Variants in SLC4A3 observed in about 807,000 individuals in gnomAD.
The protein encoded by SLC4A3 is solute carrier family 4 member 3, also known as anion exchange protein 3.
Under a neutral mutation model 114.2 loss-of-function variants are expected in SLC4A3, and 47 were observed. That is an observed-to-expected ratio of 0.41 (90% CI 0.33 to 0.52). SLC4A3 has a LOEUF of 0.52. SLC4A3 is among the 20% of genes least tolerant of loss of function. The probability of loss-of-function intolerance (pLI) is 0.21; values close to 1 mark genes in which losing one functional copy is unlikely to be tolerated. For missense variants in SLC4A3, 1,312 were observed against 1,668.3 expected, an observed-to-expected ratio of 0.79 and a Z score of 3.72; for synonymous variants, 693 against 710.3, an observed-to-expected ratio of 0.98 and a Z score of 0.39.
rs1699287249 is a variant in SLC4A3, at chr2:219,640,473, G to A, written c.3321G>A (p.Leu1107=). 3 of 1,614,120 alleles carry A rather than the reference G, an allele frequency of 1.9e-6. No homozygotes were observed. The highest frequency in any genetic ancestry group is 1.1e-5 in the South Asian group (1 of 91,072). ...GGGCTGTGCTGCGTCGGATCCCATT[G>A]GCTGTGCTCTTTGGGATCTTCCTGT... ...VMGAVLRRIP[L]AVLFGIFLYM... The change falls in exon 21 of 23, where the codon TTG becomes TTA. Residue 1107 remains leucine, a synonymous_variant. Transcript: ENST00000358055.
chr2:219,629,226 C>A lies in SLC4A3; in HGVS notation c.300C>A (p.Pro100=), dbSNP rs755751100. 2.5e-6 allele frequency: 4 copies of A among 1,613,526 alleles called. No homozygotes were observed. The highest frequency in any genetic ancestry group is 2.2e-5 in the East Asian group (1 of 44,858). Reference sequence around the variant, plus strand: ...CCCACAAGCTGCGGCGGCTGCCCCCCACCTCTGCCCGGCACACCAGGAGAA... The same window carrying A: ...CCCACAAGCTGCGGCGGCTGCCCCCAACCTCTGCCCGGCACACCAGGAGAA... ...PPPHKLRRLP[P]TSARHTRRKR... The change falls in exon 4 of 23, where the codon CCC becomes CCA. Residue 100 remains proline (P), a synonymous_variant. Transcript: ENST00000358055.
In SLC4A3 at chr2:219,630,221, C is replaced by T. The variant is rs1698872179; in HGVS notation, c.680C>T (p.Ala227Val). ...GEKSRPWSPSASYDLRERLCP... is the reference protein window; with the variant it reads ...GEKSRPWSPSVSYDLRERLCP... ...AAAAGCCGGCCCTGGAGCCCATCGG[C>T]CAGTTATGACCTGCGGGAGCGACTG... Residue 227 changes from alanine to valine, a missense_variant, in exon 6 of 23, where the codon GCC (alanine) becomes GTC (valine). This residue lies in a region of SLC4A3 where 771 missense variants were observed against 977.7 expected (regional missense o/e 0.79). Coordinates refer to ENST00000358055, the MANE Select transcript of SLC4A3 (RefSeq NM_005070.4). The surrounding 1 kb of genome is among the most constrained non-coding windows in gnomAD (Gnocchi z 6.9). 1 of 1,611,868 alleles carries T rather than the reference C, an allele frequency of 6.2e-7. No homozygotes were observed. Among genetic ancestry groups the T allele is most frequent in the South Asian group, 1.1e-5 (1 of 91,060 alleles).
At position 219,638,552 on chromosome 2, in the gene SLC4A3, C is replaced by A; in HGVS notation, c.2857-151C>A. Reference sequence around the variant, plus strand: ...TATTGGATCCTTGAAAGGACAGTGACTTCTGGAGGATGCAAAACTAATTTT... The same window carrying A: ...TATTGGATCCTTGAAAGGACAGTGAATTCTGGAGGATGCAAAACTAATTTT... On this transcript the variant is annotated intron_variant, in intron 18 of 22. Transcript: ENST00000358055. The surrounding 1 kb of genome is among the most constrained non-coding windows in gnomAD (Gnocchi z 7.5). 1.4e-6 allele frequency: 1 copy of A among 727,168 alleles called. No homozygotes were observed. The highest frequency in any genetic ancestry group is 2.2e-6 in the Non-Finnish European group (1 of 447,772). The allele number at this position is 727,168 out of a possible 1,614,324, so 45.0% of individuals were successfully genotyped here.
At chr2:219,633,749 G>T in intron 10 of SLC4A3, 131 bp from the exon 11 acceptor site, 1 of 1,383,970 alleles carries the variant, frequency 7.2e-7, no homozygotes, top group South Asian at 1.4e-5. Context: ...CCAGTGTGGG[G>T]CCACAGTGCA....
At position 219,627,898 on chromosome 2, in the gene SLC4A3, A is replaced by C; in HGVS notation, c.-93-2A>C. On this transcript the variant is annotated splice_acceptor_variant, in intron 1 of 22. Transcript: ENST00000358055. LOFTEE classifies it low-confidence loss of function (5UTR_SPLICE). The stretch of plus-strand genomic sequence containing the variant: ...GAACCTGACCCCGCCCTCCTCCCCC[A>C]GGGCTCCCCGCTAGGCCCCCTCAGT... 12 of 942,816 alleles carry C rather than the reference A, an allele frequency of 1.3e-5. No individual in the cohort carries two copies. Among genetic ancestry groups the C allele is most frequent in the Middle Eastern group, 3.3e-4 (1 of 3,044 alleles). 58.4% of individuals were successfully genotyped at this position (942,816 alleles called of 1,614,324 possible). A position where few individuals can be genotyped will look rare whatever the true frequency, so the allele number is the denominator to read the frequency against.
Position 219,630,581 on chromosome 2 carries a change from TC to T in SLC4A3, c.811+230del, listed in dbSNP as rs1698883709. Among the ~76,000 whole-genome samples, 1 of 152,108 alleles carries T rather than the reference TC, an allele frequency of 6.6e-6. No individual in the cohort carries two copies. Among genetic ancestry groups the T allele is most frequent in the Non-Finnish European group, 1.5e-5 (1 of 68,010 alleles). ...TGACACCTCACGCCTCAGTCCTGAT[TC>T]TGTCCTCTGAGTCACCCCTAGAAAA... On this transcript the variant is annotated intron_variant, in intron 6 of 22. Coordinates refer to ENST00000358055, the MANE Select transcript of SLC4A3 (RefSeq NM_005070.4). This position sits in a 1 kb window ranked among gnomAD's most constrained non-coding sequence, Gnocchi z 6.9.
Position 219,635,733 on chromosome 2 carries a change from C to G in SLC4A3, c.2033C>G (p.Thr678Arg), listed in dbSNP as rs759168094. 21 of 1,595,814 alleles carry G rather than the reference C, an allele frequency of 1.3e-5. No homozygotes were observed. The highest frequency in any genetic ancestry group is 1.8e-5 in the Non-Finnish European group (21 of 1,173,886). Residue 678 changes from threonine to arginine, a missense_variant, in exon 14 of 23, where the codon ACG (threonine) becomes AGG (arginine). Coordinates refer to ENST00000358055, the MANE Select transcript of SLC4A3 (RefSeq NM_005070.4). Reference sequence around the variant, plus strand: ...CCTGAAGATGACCCCTTGCTGCGGACGGGCTCGGTATTTGGGGGGCTTGTG... The same window carrying G: ...CCTGAAGATGACCCCTTGCTGCGGAGGGGCTCGGTATTTGGGGGGCTTGTG... ...ATPEDDPLLRTGSVFGGLVRD... is the reference protein window; with the variant it reads ...ATPEDDPLLRRGSVFGGLVRD...
rs765490505 is a variant in SLC4A3 at position 219,629,574 on chromosome 2, C to T, written c.496-6C>T. 3 of 1,607,804 alleles carry T rather than the reference C, an allele frequency of 1.9e-6. No individual in the cohort carries two copies. The highest frequency in any genetic ancestry group is 2.6e-6 in the Non-Finnish European group (3 of 1,174,830). Reference sequence around the variant, plus strand: ...CAAGGCCCCAGGGCACATTCTATGTCTGCAGTTCTCCATTGGAAGTGACGA... The same window carrying T: ...CAAGGCCCCAGGGCACATTCTATGTTTGCAGTTCTCCATTGGAAGTGACGA... On this transcript the variant is annotated splice_region_variant and splice_polypyrimidine_tract_variant and intron_variant, in intron 4 of 22. Transcript: ENST00000358055.
Position 219,636,674 on chromosome 2 carries a change from A to G in SLC4A3, c.2341-6A>G. The G allele has an allele frequency of 6.2e-7, 1 of 1,611,916 alleles. No individual in the cohort carries two copies. The highest frequency in any genetic ancestry group is 2.2e-5 in the East Asian group (1 of 44,846). On this transcript the variant is annotated splice_region_variant and splice_polypyrimidine_tract_variant and intron_variant, in intron 15 of 22. Coordinates refer to ENST00000358055, the MANE Select transcript of SLC4A3 (RefSeq NM_005070.4). The surrounding 1 kb of genome is among the most constrained non-coding windows in gnomAD (Gnocchi z 5.5). ...GTGGGTAACGACCGCTCCTACCCCC[A>G]CCTAGTTCTGCCGAGCCCAGGACCT...
rs371388838 is a variant in SLC4A3, at chr2:219,629,228, C to T, written c.302C>T (p.Thr101Ile). 54 of 1,613,418 alleles carry T rather than the reference C, an allele frequency of 3.3e-5. No individual in the cohort carries two copies. In the African/African-American group the frequency reaches 4.8e-4, roughly 14 times the overall value. ...PPHKLRRLPP[T>I]SARHTRRKRK... ...CACAAGCTGCGGCGGCTGCCCCCCA[C>T]CTCTGCCCGGCACACCAGGAGAAAG... The change falls in exon 4 of 23, where the codon ACC (threonine) becomes ATC (isoleucine). Residue 101 changes from threonine (T) to isoleucine (I), a missense_variant. Coordinates refer to ENST00000358055, the MANE Select transcript of SLC4A3 (RefSeq NM_005070.4).
rs1380926880 is a variant in SLC4A3, at chr2:219,637,189, G to A, written c.2535+315G>A. ...GGGTGTCCTTGGGTCACCTTTTGTA[G>A]AGGAGTGTGTGTGTGTGTGTGGGTG... On this transcript the variant is annotated intron_variant, in intron 16 of 22. Coordinates refer to ENST00000358055, the MANE Select transcript of SLC4A3 (RefSeq NM_005070.4). This position sits in a 1 kb window ranked among gnomAD's most constrained non-coding sequence, Gnocchi z 4.6. 7.0e-6 allele frequency among the ~76,000 whole-genome samples: 1 copy of A among 143,146 alleles called. No homozygotes were observed. Among genetic ancestry groups the A allele is most frequent in the Non-Finnish European group, 1.6e-5 (1 of 63,178 alleles). The allele number at this position is 143,146 out of a possible 152,430, so 93.9% of individuals were successfully genotyped here.
rs746251231 is a variant in SLC4A3 at position 219,628,091 on chromosome 2, A to T, written c.51+48A>T. ...GGGGAGAGATGGGGGAGGAGAGGGGAGGGACCTTAGGGTGGGCAGAGGAGT... is the reference window on the plus strand; with the variant it reads ...GGGGAGAGATGGGGGAGGAGAGGGGTGGGACCTTAGGGTGGGCAGAGGAGT... On this transcript the variant is annotated intron_variant, in intron 2 of 22. Coordinates refer to ENST00000358055, the MANE Select transcript of SLC4A3 (RefSeq NM_005070.4). This position sits in a 1 kb window ranked among gnomAD's most constrained non-coding sequence, Gnocchi z 4.8. 8 of 1,379,194 alleles carry T rather than the reference A, an allele frequency of 5.8e-6. No individual in the cohort carries two copies. The highest frequency in any genetic ancestry group is 2.5e-4 in the Middle Eastern group (1 of 4,042). 85.4% of individuals were successfully genotyped at this position (1,379,194 alleles called of 1,614,324 possible).
At position 219,640,440 on chromosome 2, in the gene SLC4A3, C is replaced by T. The variant is rs751629476; in HGVS notation, c.3288C>T (p.Ile1096=). The stretch of plus-strand genomic sequence containing the variant: ...TGTCACCTCCTCCAGGCCTGTCCAT[C>T]GTCATGGGGGCTGTGCTGCGTCGGA... ...VLIASLVGLS[I]VMGAVLRRIP... The change falls in exon 21 of 23, where the codon ATC becomes ATT. Residue 1096 remains isoleucine (I), a synonymous_variant. Coordinates refer to ENST00000358055, the MANE Select transcript of SLC4A3 (RefSeq NM_005070.4). 1.6e-5 allele frequency: 26 copies of T among 1,613,074 alleles called. No homozygotes were observed. Among genetic ancestry groups the T allele is most frequent in the Non-Finnish European group, 2.2e-5 (26 of 1,179,364 alleles).
chr2:219,637,539 C>T lies in SLC4A3; in HGVS notation c.2536-42C>T. On this transcript the variant is annotated intron_variant, in intron 16 of 22. Coordinates refer to ENST00000358055, the MANE Select transcript of SLC4A3 (RefSeq NM_005070.4). This position sits in a 1 kb window ranked among gnomAD's most constrained non-coding sequence, Gnocchi z 4.6. Reference sequence around the variant, plus strand: ...ACTGATGACGATGAAGTCAGGTCACCTGCCAGGTGAGTGACAAGGCATCCT... The same window carrying T: ...ACTGATGACGATGAAGTCAGGTCACTTGCCAGGTGAGTGACAAGGCATCCT... 8.6e-7 allele frequency: 1 copy of T among 1,159,444 alleles called. No homozygotes were observed. The highest frequency in any genetic ancestry group is 1.3e-6 in the Non-Finnish European group (1 of 799,492). 71.8% of individuals were successfully genotyped at this position (1,159,444 alleles called of 1,614,324 possible). A position where few individuals can be genotyped will look rare whatever the true frequency, so the allele number is the denominator to read the frequency against.
In SLC4A3 at chr2:219,630,300, A is replaced by G. The variant is rs748233638; in HGVS notation, c.759A>G (p.Thr253=). Residue 253 remains threonine (T), a synonymous_variant, in exon 6 of 23, where the codon ACA becomes ACG. Coordinates refer to ENST00000358055, the MANE Select transcript of SLC4A3 (RefSeq NM_005070.4). The surrounding 1 kb of genome is among the most constrained non-coding windows in gnomAD (Gnocchi z 6.9). ...NPGGPEQQVP[T]DEAEAQMLGS... ...GTGGTCCAGAGCAGCAGGTGCCCAC[A>G]GATGAGGCGGAGGCCCAGATGCTGG... 3 of 1,612,950 alleles carry G rather than the reference A, an allele frequency of 1.9e-6. No homozygotes were observed. Among genetic ancestry groups the G allele is most frequent in the Non-Finnish European group, 8.5e-7 (1 of 1,179,682 alleles).
chr2:219,633,011 T>A lies in SLC4A3; in HGVS notation c.1277+2T>A. The A allele has an allele frequency of 6.2e-7, 1 of 1,613,792 alleles. No homozygotes were observed. Among genetic ancestry groups the A allele is most frequent in the Non-Finnish European group, 8.5e-7 (1 of 1,179,912 alleles). On this transcript the variant is annotated splice_donor_variant, in intron 9 of 22. Coordinates refer to ENST00000358055, the MANE Select transcript of SLC4A3 (RefSeq NM_005070.4). LOFTEE classifies it high-confidence loss of function. ...ACGTACCCTGCTACTGAAGCACAGG[T>A]GCCGGGGTGGGTCCCTGGGAGGGGC...
chr2:219,637,777 G>T lies in SLC4A3; in HGVS notation c.2732G>T (p.Arg911Leu). 3 of 1,613,762 alleles carry T rather than the reference G, an allele frequency of 1.9e-6. No individual in the cohort carries two copies. Among genetic ancestry groups the T allele is most frequent in the Non-Finnish European group, 2.5e-6 (3 of 1,179,786 alleles). The change falls in exon 17 of 23, where the codon CGC becomes CTC. Residue 911 changes from arginine (R) to leucine (L), a missense_variant. By Grantham distance (102) the Arg-to-Leu change is moderately radical (BLOSUM62 -2). Around this residue, in one of 4 missense-constraint regions of SLC4A3, gnomAD observed 301 missense variants for 460.7 expected, o/e 0.65. Transcript: ENST00000358055. This position sits in a 1 kb window ranked among gnomAD's most constrained non-coding sequence, Gnocchi z 4.6. ...LGTFFIAFFL[R>L]KFRNSRFLGG... ...ACCTTCTTCATAGCCTTCTTCCTGCGCAAGTTCAGGAACAGCCGCTTCCTG... is the reference window on the plus strand; with the variant it reads ...ACCTTCTTCATAGCCTTCTTCCTGCTCAAGTTCAGGAACAGCCGCTTCCTG...
Position 219,637,546 on chromosome 2 carries a change from G to C in SLC4A3, c.2536-35G>C, listed in dbSNP as rs1292743650. 2 of 1,225,464 alleles carry C rather than the reference G, an allele frequency of 1.6e-6. No homozygotes were observed. The highest frequency in any genetic ancestry group is 2.3e-6 in the Non-Finnish European group (2 of 858,162). The allele number at this position is 1,225,464 out of a possible 1,614,324, so 75.9% of individuals were successfully genotyped here. ...ACGATGAAGTCAGGTCACCTGCCAG[G>C]TGAGTGACAAGGCATCCTTGTTATC... On this transcript the variant is annotated intron_variant, in intron 16 of 22. Transcript: ENST00000358055. The surrounding 1 kb of genome is among the most constrained non-coding windows in gnomAD (Gnocchi z 4.6).
At position 219,635,431 on chromosome 2, in the gene SLC4A3, G is replaced by A. The variant is rs375803349; in HGVS notation, c.1907G>A (p.Arg636Gln). ...AAFQRELLRK[R>Q]REREQTKVEM... ...TTCCAGCGAGAGCTGCTTAGGAAGC[G>A]GCGAGAGCGTGAACAGACCAAAGTC... Residue 636 changes from arginine to glutamine, a missense_variant, in exon 13 of 23, where the codon CGG (arginine) becomes CAG (glutamine). Coordinates refer to ENST00000358055, the MANE Select transcript of SLC4A3 (RefSeq NM_005070.4). 5.0e-6 allele frequency: 8 copies of A among 1,614,012 alleles called. No homozygotes were observed. The highest frequency in any genetic ancestry group is 1.3e-5 in the African/African-American group (1 of 74,922).
Sources: allele counts gnomAD v4.1 joint callset (sites outside exome capture counted in the v4.1 genomes callset), GRCh38; gene constraint gnomAD v4.1.1; regional missense constraint gnomAD v4.1.1; non-coding constraint Gnocchi (gnomAD v3.1); transcripts MANE v1.5; gene names NCBI Gene and HGNC (gene_info 2026-07-23, HGNC 2026-07-21).